Variants in FBXW10B observed in about 807,000 individuals in gnomAD.
The protein encoded by FBXW10B is F-box and WD repeat domain containing protein 10B.
chr17:15,589,028 T>G, the FBXW10B span: 1 of 1,610,146 alleles, frequency 6.2e-7, no homozygotes. Flanking sequence ...GGAGCTGTGG[T>G]TGGGGCCATC....
chr17:15,596,419 A>C, the FBXW10B span: 36 of 1,339,894 alleles, frequency 2.7e-5, 1 homozygote, highest in Non-Finnish European at 3.4e-5. Context: ...GGCCATACTC[A>C]GTTACTCTAG....
At chr17:15,616,610 C>T in the FBXW10B span, among the ~76,000 whole-genome samples, 2 of 151,874 alleles carry the variant, frequency 1.3e-5, no homozygotes, top group Admixed American at 1.3e-4. Context: ...GGAGACCATC[C>T]TGGCTAACAC....
At chr17:15,569,457 T>TTTTA in the FBXW10B span, among the ~76,000 whole-genome samples, 33 of 84,552 alleles carry the variant, frequency 3.9e-4, no homozygotes, top group Non-Finnish European at 5.7e-4. Flanking sequence ...TTCTTTTTCT[T>TTTTA]TTTTTTTTTT....
the FBXW10B span, among the ~76,000 whole-genome samples, chr17:15,591,967 T>A: frequency 6.6e-6 from 1 of 152,156 alleles, no homozygotes; most frequent in Non-Finnish European, 1.5e-5. Context: ...GAACTTGCCC[T>A]CCCTGTCCCC....
the FBXW10B span, among the ~76,000 whole-genome samples, chr17:15,566,915 C>A: frequency 0.11 from 17,370 of 151,430 alleles, 1,110 homozygotes; most frequent in African/African-American, 0.14. Flanking sequence ...AGTATATTAG[C>A]CTCTAAGTGT....
the FBXW10B span, chr17:15,568,945 T>A: frequency 3.2e-6 from 4 of 1,231,690 alleles, no homozygotes; most frequent in Non-Finnish European, 4.0e-6. Flanking sequence ...TTACAGCACA[T>A]CCCAGCTGAC....
the FBXW10B span, among the ~76,000 whole-genome samples, chr17:15,591,293 C>A: frequency 0.21 from 31,217 of 151,816 alleles, 4,227 homozygotes; most frequent in African/African-American, 0.39. Flanking sequence ...TGTTTAAAAT[C>A]ATTTTTTTTC....
chr17:15,589,574 A>C, the FBXW10B span, among the ~76,000 whole-genome samples: 1 of 151,020 alleles, frequency 6.6e-6, no homozygotes, highest in Non-Finnish European at 1.5e-5. Flanking sequence ...AATCGTTCAT[A>C]CTGTCTATAG....
the FBXW10B span, among the ~76,000 whole-genome samples, chr17:15,617,201 AC>A: frequency 6.6e-6 from 1 of 152,202 alleles, no homozygotes; most frequent in East Asian, 1.9e-4. Context: ...CCCCTGACAC[AC>A]CAAATAAATC....
chr17:15,614,123 A>C, the FBXW10B span: 1 of 1,444,824 alleles, frequency 6.9e-7, no homozygotes. Flanking sequence ...GCTCTCCCAC[A>C]AAATAAACCT....
the FBXW10B span, among the ~76,000 whole-genome samples, chr17:15,590,244 G>T: frequency 6.6e-6 from 1 of 151,834 alleles, no homozygotes; most frequent in African/African-American, 2.4e-5. Flanking sequence ...GTAAGGTGCT[G>T]GACCATGGTG....
chr17:15,589,313 G>A, the FBXW10B span: 6 of 1,529,874 alleles, frequency 3.9e-6, no homozygotes, highest in Non-Finnish European at 5.3e-6. Flanking sequence ...GAATGTCTGG[G>A]AGAAAAAAAA....
chr17:15,612,313 G>A, the FBXW10B span, among the ~76,000 whole-genome samples: 1 of 151,354 alleles, frequency 6.6e-6, no homozygotes, highest in Non-Finnish European at 1.5e-5. Flanking sequence ...CAAGACCATC[G>A]GGGCTAACAC....
chr17:15,594,344 C>T, the FBXW10B span, among the ~76,000 whole-genome samples: 2,365 of 151,358 alleles, frequency 0.016, 52 homozygotes, highest in African/African-American at 0.048. Context: ...TGGTGGTGGG[C>T]GCCTGTAGTC....
the FBXW10B span, chr17:15,598,931 C>T: frequency 2.7e-6 from 1 of 369,222 alleles, no homozygotes. Context: ...AATCCCAACA[C>T]TTTGGGAGGC....
chr17:15,618,662 C>A, the FBXW10B span, among the ~76,000 whole-genome samples: 1 of 152,102 alleles, frequency 6.6e-6, no homozygotes, highest in Non-Finnish European at 1.5e-5. Context: ...CAAGCTCAGT[C>A]CAATCCCTAA....
chr17:15,594,654 A>G, the FBXW10B span: 1 of 1,311,404 alleles, frequency 7.6e-7, no homozygotes, highest in Non-Finnish European at 1.1e-6. Flanking sequence ...CGATGTCTAC[A>G]GGGAGCAGAA....
chr17:15,583,773 T>C, the FBXW10B span, among the ~76,000 whole-genome samples: 1 of 152,150 alleles, frequency 6.6e-6, no homozygotes. Flanking sequence ...TAGGTCCTGT[T>C]TCCAAGTTAT....
At chr17:15,575,970 T>C in the FBXW10B span, among the ~76,000 whole-genome samples, 2 of 152,224 alleles carry the variant, frequency 1.3e-5, no homozygotes, top group Non-Finnish European at 2.9e-5. Context: ...AAATTCTTTC[T>C]GTGTGTTATA....
Sources: allele counts gnomAD v4.1 joint callset (sites outside exome capture counted in the v4.1 genomes callset), GRCh38; gene constraint gnomAD v4.1.1; transcripts MANE v1.5; gene names NCBI Gene and HGNC (gene_info 2026-07-23, HGNC 2026-07-21).